The following FAM135B variants were observed in gnomAD, a reference collection of about 807,000 sequenced individuals.
FAM135B encodes the protein protein FAM135B.
FAM135B carries 43 observed loss-of-function variants against 127.7 expected under a neutral mutation model. The observed-to-expected ratio is 0.34, with a 90% CI of 0.26 to 0.43. FAM135B has a LOEUF of 0.43. Among genes scored for constraint, FAM135B ranks in the 20% least tolerant of loss-of-function variants. The pLI, the probability that FAM135B is intolerant of heterozygous loss-of-function variation, is 1.00. For synonymous variants in FAM135B, 670 were observed against 665.1 expected (o/e 1.01, Z -0.11); for missense variants, 1,558 against 1,725.6 (o/e 0.90, Z 1.72).
chr8:138,368,052 G>T (rs1830867759), intron 1 of FAM135B, 50 bp from the exon 2 acceptor site: 1 of 1,341,676 alleles, frequency 7.5e-7, no homozygotes, highest in Non-Finnish European at 1.1e-6. Context: ...CAGCCACTCA[G>T]AAAGAACCTG....
rs1247751584 is a variant in FAM135B, at chr8:138,131,237, A to G, written c.*1356T>C. The G allele has an allele frequency of 1.3e-5, 2 of 152,178 alleles. No homozygotes were observed. The highest frequency in any genetic ancestry group is 2.4e-5 in the African/African-American group (1 of 41,428). The allele number at this position is 152,178 out of a possible 1,614,324, so 9.4% of individuals were successfully genotyped here. A position where few individuals can be genotyped will look rare whatever the true frequency, so the allele number is the denominator to read the frequency against. ...CAGAAGGGATTTTTGCAGAAGCAGG[A>G]GCTTTCATCTCCAAAAGATTAGGCT... On this transcript the variant is annotated 3_prime_UTR_variant, in exon 20 of 20. Coordinates refer to ENST00000395297, the MANE Select transcript of FAM135B (RefSeq NM_015912.4).
chr8:138,418,550 G>A (rs1035425682), intron 1 of FAM135B, among the ~76,000 whole-genome samples: 4 of 151,320 alleles, frequency 2.6e-5, no homozygotes, highest in African/African-American at 9.7e-5. Context: ...CTAGAGAGAA[G>A]AGGTAGATAA....
Position 138,491,569 on chromosome 8 carries a change from G to C in FAM135B, c.-20+5102C>G, listed in dbSNP as rs1236056007. ...TAATTCCCAGTCAATGCTGGGACCA[G>C]CATCTACTCTGGCACGGAGGCAATC... On this transcript the variant is annotated intron_variant, in intron 1 of 19. Transcript: ENST00000395297. Among the ~76,000 whole-genome samples the C allele has an allele frequency of 2.0e-5, 3 of 152,276 alleles. No homozygotes were observed. The East Asian group carries it at 5.8e-4, about 29-fold the overall frequency.
At chr8:138,167,165 C>A (rs748966863) in intron 12 of FAM135B, among the ~76,000 whole-genome samples, 1 of 151,940 alleles carries the variant, frequency 6.6e-6, no homozygotes, top group African/African-American at 2.4e-5. Flanking sequence ...CAGACAGTTG[C>A]CCAAATGGCC....
In FAM135B at chr8:138,264,430, C is replaced by T. The variant is rs900293089; in HGVS notation, c.297+1273G>A. ...CACTTTGGGTACAGTTGTAGCTTCA[C>T]GGGGCCTCCAGTGAGGGTGCAAACT... On this transcript the variant is annotated intron_variant, in intron 4 of 19. Transcript: ENST00000395297. Among the ~76,000 whole-genome samples, 6 of 152,170 alleles carry T rather than the reference C, an allele frequency of 3.9e-5. No individual in the cohort carries two copies. In the South Asian group the frequency reaches 6.2e-4, roughly 16 times the overall value.
At chr8:138,256,225 A>G (rs981766010) in intron 5 of FAM135B, among the ~76,000 whole-genome samples, 1 of 152,228 alleles carries the variant, frequency 6.6e-6, no homozygotes. Context: ...TGCCTCCTGC[A>G]TTTAATGAGC....
intron 1 of FAM135B, chr8:138,438,928 G>A (rs189428158): frequency 3.9e-5 from 6 of 152,270 alleles, no homozygotes; most frequent in Admixed American, 6.5e-5. Context: ...CTTGTGGGTG[G>A]GGTGGAAGAG....
intron 6 of FAM135B, among the ~76,000 whole-genome samples, chr8:138,248,410 T>C (rs1382220530): frequency 6.6e-6 from 1 of 152,188 alleles, no homozygotes; most frequent in Non-Finnish European, 1.5e-5. Flanking sequence ...TAGAAGTGGC[T>C]AAAGCTTAGT....
chr8:138,188,792 C>T (rs1397033370), intron 9 of FAM135B, among the ~76,000 whole-genome samples: 5 of 152,134 alleles, frequency 3.3e-5, no homozygotes, highest in South Asian at 2.1e-4. Flanking sequence ...AGAGAGGCTC[C>T]GTATTCTCTC....
intron 3 of FAM135B, among the ~76,000 whole-genome samples, chr8:138,305,784 TATA>T (rs957302444): frequency 2.6e-5 from 4 of 152,136 alleles, no homozygotes; most frequent in African/African-American, 9.7e-5. Context: ...GACTGACAAG[TATA>T]ATAAGTGAGC....
At chr8:138,215,861 A>T (rs1454116627) in intron 7 of FAM135B, among the ~76,000 whole-genome samples, 1 of 152,196 alleles carries the variant, frequency 6.6e-6, no homozygotes, top group African/African-American at 2.4e-5. Flanking sequence ...ATATTCTGGC[A>T]GCCATGAGCA....
intron 3 of FAM135B, among the ~76,000 whole-genome samples, chr8:138,277,770 G>A (rs967352306): frequency 3.3e-5 from 5 of 152,096 alleles, no homozygotes; most frequent in African/African-American, 1.2e-4. Context: ...CTCACCTCTG[G>A]ATCATATGCA....
At chr8:138,467,918 G>A (rs1837461790) in intron 1 of FAM135B, among the ~76,000 whole-genome samples, 1 of 152,138 alleles carries the variant, frequency 6.6e-6, no homozygotes, top group African/African-American at 2.4e-5. Context: ...ACTGAAAAAT[G>A]CCTTATTCCT....
chr8:138,185,599 G>A (rs1346280510), intron 9 of FAM135B, among the ~76,000 whole-genome samples: 1 of 152,178 alleles, frequency 6.6e-6, no homozygotes, highest in East Asian at 1.9e-4. Flanking sequence ...GCTGCTCACT[G>A]ATGCTTAGTA....
chr8:138,294,541 T>C (rs748124859), intron 3 of FAM135B, among the ~76,000 whole-genome samples: 1 of 152,140 alleles, frequency 6.6e-6, no homozygotes, highest in African/African-American at 2.4e-5. Flanking sequence ...ATTGAAATCA[T>C]ATTCAATATA....
At chr8:138,429,599 T>A (rs1835085887) in intron 1 of FAM135B, among the ~76,000 whole-genome samples, 1 of 152,166 alleles carries the variant, frequency 6.6e-6, no homozygotes, top group Admixed American at 6.5e-5. Flanking sequence ...CTGGTTCCTT[T>A]ATAGCAATTT....
intron 17 of FAM135B, among the ~76,000 whole-genome samples, chr8:138,139,452 A>G (rs994193006): frequency 6.6e-6 from 1 of 152,250 alleles, no homozygotes; most frequent in African/African-American, 2.4e-5. Flanking sequence ...AGGATACAGT[A>G]AAGCTAAAAT....
intron 3 of FAM135B, among the ~76,000 whole-genome samples, chr8:138,272,318 TA>T (rs1426450588): frequency 1.3e-5 from 2 of 152,316 alleles, no homozygotes; most frequent in African/African-American, 4.8e-5. Context: ...AATGGAGGGA[TA>T]TGACTTTTGG....
rs2130784409 is a variant in FAM135B at position 138,152,876 on chromosome 8, A to T, written c.1599T>A (p.Asp533Glu). The T allele has an allele frequency of 6.2e-7, 1 of 1,614,206 alleles. No individual in the cohort carries two copies. The highest frequency in any genetic ancestry group is 8.5e-7 in the Non-Finnish European group (1 of 1,180,040). The change falls in exon 13 of 20, where the codon GAT (aspartate) becomes GAA (glutamate). Residue 533 changes from aspartate to glutamate, a missense_variant. By Grantham distance (45) the Asp-to-Glu change is conservative (BLOSUM62 2). This residue lies in a region of FAM135B where 923 missense variants were observed against 865.3 expected (regional missense o/e 1.07). Transcript: ENST00000395297. The part of the protein sequence containing the change: ...TSDAGTYPVA[D>E]VDTSRRSPGP... ...CTGGACTCCTTCTAGAAGTATCCAC[A>T]TCTGCCACTGGATATGTCCCAGCAT...
Sources: allele counts gnomAD v4.1 joint callset (sites outside exome capture counted in the v4.1 genomes callset), GRCh38; gene constraint gnomAD v4.1.1; regional missense constraint gnomAD v4.1.1; transcripts MANE v1.5; gene names NCBI Gene and HGNC (gene_info 2026-07-23, HGNC 2026-07-21).